Variants in ADAMTS18 observed in about 807,000 individuals in gnomAD.
ADAMTS18 encodes the protein A disintegrin and metalloproteinase with thrombospondin motifs 18.
A neutral mutation model predicts 165.9 loss-of-function variants in ADAMTS18; 157 were observed. The observed-to-expected ratio is 0.95, with a 90% CI of 0.83 to 1.08. The LOEUF is 1.08. Among genes scored for constraint, ADAMTS18 ranks in the 50% least tolerant of loss-of-function variants. The probability of loss-of-function intolerance (pLI) is 0.00; values close to 1 mark genes in which losing one functional copy is unlikely to be tolerated. For missense variants in ADAMTS18, 2,040 were observed against 1,534.0 expected (o/e 1.33, Z -5.51); for synonymous variants, 782 against 578.2 (o/e 1.35, Z -5.06).
intron 10 of ADAMTS18, among the ~76,000 whole-genome samples, chr16:77,350,253 C>A (rs1182667709): frequency 1.3e-5 from 2 of 152,060 alleles, no homozygotes; most frequent in Non-Finnish European, 2.9e-5. Context: ...GAACAGAGAT[C>A]AAGTCTGGCA....
At chr16:77,317,487 C>T (rs772376663) in intron 16 of ADAMTS18, among the ~76,000 whole-genome samples, 3 of 152,224 alleles carry the variant, frequency 2.0e-5, no homozygotes, top group African/African-American at 7.2e-5. Context: ...GCATGCGCCA[C>T]CACACCCAGC....
At position 77,294,952 on chromosome 16, in the gene ADAMTS18, G is replaced by T; in HGVS notation, c.2977C>A (p.Pro993Thr). 1 of 1,614,170 alleles carries T rather than the reference G, an allele frequency of 6.2e-7. No individual in the cohort carries two copies. The highest frequency in any genetic ancestry group is 8.5e-7 in the Non-Finnish European group (1 of 1,180,016). ...GACCAGGGTCCAAGGCTCCATTGTG[G>T]AGGGCAGGCATGGCTGTTGCAGGCT... ...VQACNSHACPPQWSLGPWSQC... is the reference protein window; with the variant it reads ...VQACNSHACPTQWSLGPWSQC... Residue 993 changes from proline to threonine, a missense_variant, in exon 19 of 23, where the codon CCA becomes ACA. By Grantham distance (38) the Pro-to-Thr change is conservative. Transcript: ENST00000282849.
At chr16:77,400,888 C>A (rs1056930247) in intron 3 of ADAMTS18, among the ~76,000 whole-genome samples, 1 of 152,056 alleles carries the variant, frequency 6.6e-6, no homozygotes, top group Admixed American at 6.5e-5. Context: ...TCTGTCTGCT[C>A]ACTTCTGCTT....
At chr16:77,415,953 C>T (rs1421548627) in intron 3 of ADAMTS18, among the ~76,000 whole-genome samples, 2 of 152,128 alleles carry the variant, frequency 1.3e-5, no homozygotes, top group Non-Finnish European at 2.9e-5. Context: ...ATTCCAGCCA[C>T]TGGAAATACA....
At chr16:77,325,634 C>A (rs1597124557) in intron 13 of ADAMTS18, among the ~76,000 whole-genome samples, 1 of 150,464 alleles carries the variant, frequency 6.6e-6, no homozygotes, top group East Asian at 2.0e-4. Flanking sequence ...ACATATGAAA[C>A]CTTGGGTTTA....
intron 2 of ADAMTS18, among the ~76,000 whole-genome samples, chr16:77,431,968 A>G (rs908175465): frequency 2.6e-5 from 4 of 152,204 alleles, no homozygotes; most frequent in Non-Finnish European, 5.9e-5. Flanking sequence ...ATTCATATAT[A>G]TAAAATTTAA....
At chr16:77,354,014 A>G in intron 9 of ADAMTS18, 128 bp from the exon 10 acceptor site, 2 of 1,170,596 alleles carry the variant, frequency 1.7e-6, no homozygotes, top group East Asian at 2.3e-5. Flanking sequence ...GTATATGTTT[A>G]AAGTTCAAAT....
chr16:77,366,565 C>CAAAACA (rs1193203951), intron 4 of ADAMTS18, among the ~76,000 whole-genome samples: 1 of 151,968 alleles, frequency 6.6e-6, no homozygotes, highest in Non-Finnish European at 1.5e-5. Context: ...TCAAACAAAA[C>CAAAACA]AAAACAAAAA....
At chr16:77,423,376 T>A (rs1361996022) in intron 3 of ADAMTS18, among the ~76,000 whole-genome samples, 1 of 152,236 alleles carries the variant, frequency 6.6e-6, no homozygotes, top group Non-Finnish European at 1.5e-5. Context: ...AGGTCTGCAA[T>A]AATGATAATT....
intron 3 of ADAMTS18, among the ~76,000 whole-genome samples, chr16:77,386,260 G>A (rs1415569965): frequency 6.6e-6 from 1 of 152,078 alleles, no homozygotes; most frequent in Non-Finnish European, 1.5e-5. Flanking sequence ...TCATCAACCT[G>A]GCTGACCACC....
intron 10 of ADAMTS18, among the ~76,000 whole-genome samples, chr16:77,352,895 T>G (rs1220581439): frequency 1.3e-5 from 2 of 151,432 alleles, no homozygotes; most frequent in Admixed American, 6.6e-5. Context: ...GATCACGAGG[T>G]CAGGAGATCA....
At chr16:77,314,017 C>G (rs1231428234) in intron 16 of ADAMTS18, among the ~76,000 whole-genome samples, 1 of 152,124 alleles carries the variant, frequency 6.6e-6, no homozygotes, top group Non-Finnish European at 1.5e-5. Context: ...TGGCCATAGT[C>G]TATTTTGATT....
chr16:77,379,181 A>C (rs1185566604), intron 3 of ADAMTS18, among the ~76,000 whole-genome samples: 1 of 152,232 alleles, frequency 6.6e-6, no homozygotes, highest in Admixed American at 6.5e-5. Context: ...TGCTTCTCTC[A>C]TGAGGCGCCT....
In ADAMTS18 at chr16:77,289,129, C is replaced by G. The variant is rs143060133; in HGVS notation, c.3550+135G>C. 7.2e-5 allele frequency: 80 copies of G among 1,104,268 alleles called. 2 individuals are homozygous for G. The African/African-American group carries it at 9.2e-4, about 13-fold the overall frequency. The allele number at this position is 1,104,268 out of a possible 1,614,324, so 68.4% of individuals were successfully genotyped here. On this transcript the variant is annotated intron_variant, in intron 22 of 22. Coordinates refer to ENST00000282849, the MANE Select transcript of ADAMTS18 (RefSeq NM_199355.4). ...TGGTGCCTTATACAACTCCAGGGAG[C>G]ACTGTCACATAGACTTCGGGTGAAT...
chr16:77,289,140 AGACTTCGGGTGAAT>A, intron 22 of ADAMTS18, 110 bp downstream of exon 22: 2 of 1,273,384 alleles, frequency 1.6e-6, no homozygotes, highest in Admixed American at 3.4e-5. Context: ...ACTGTCACAT[AGACTTCGGGTGAAT>A]GGCTTACCCT....
intron 3 of ADAMTS18, among the ~76,000 whole-genome samples, chr16:77,370,293 T>C (rs917181627): frequency 6.6e-5 from 10 of 152,288 alleles, no homozygotes; most frequent in East Asian, 1.9e-4. Context: ...AGAAGCCAAA[T>C]TGTCCCTGTT....
intron 3 of ADAMTS18, among the ~76,000 whole-genome samples, chr16:77,414,549 T>A (rs2057505298): frequency 1.3e-5 from 2 of 152,200 alleles, no homozygotes; most frequent in African/African-American, 2.4e-5. Flanking sequence ...TACTAAAAAA[T>A]TTAAAATTAT....
rs748525953 is a variant in ADAMTS18, at chr16:77,367,698, T to A, written c.521A>T (p.Asn174Ile). Residue 174 changes from asparagine (N) to isoleucine (I), a missense_variant, in exon 4 of 23, where the codon AAT becomes ATT. Transcript: ENST00000282849. ...AGGTAATGGCGAGATGAGGAATTCATTTTTTCGTGTCCTTATTAAACCTGA... is the reference window on the plus strand; with the variant it reads ...AGGTAATGGCGAGATGAGGAATTCAATTTTTCGTGTCCTTATTAAACCTGA... ...GLSGLIRTRK[N>I]EFLISPLPQL... The A allele has an allele frequency of 3.1e-6, 5 of 1,614,184 alleles. No homozygotes were observed. The South Asian group carries it at 5.5e-5, about 18-fold the overall frequency.
chr16:77,302,522 A>C (rs1567465652), intron 16 of ADAMTS18, among the ~76,000 whole-genome samples: 1 of 152,206 alleles, frequency 6.6e-6, no homozygotes, highest in African/African-American at 2.4e-5. Context: ...CGCACATAGT[A>C]GGGGCAAGCT....
Sources: allele counts gnomAD v4.1 joint callset (sites outside exome capture counted in the v4.1 genomes callset), GRCh38; gene constraint gnomAD v4.1.1; transcripts MANE v1.5; gene names NCBI Gene and HGNC (gene_info 2026-07-23, HGNC 2026-07-21).